Variants in OR6C74 observed in about 807,000 individuals in gnomAD.
OR6C74 encodes the protein olfactory receptor 6C74.
For synonymous variants in OR6C74, 142 were observed against 134.2 expected (o/e 1.06, Z -0.40); for missense variants, 361 against 362.9 (o/e 0.99, Z 0.04).
In OR6C74 at chr12:55,253,174, A is replaced by C. The variant is rs930778812; in HGVS notation, c.*4948A>C. Among the ~76,000 whole-genome samples, 2 of 152,098 alleles carry C rather than the reference A, an allele frequency of 1.3e-5. No individual in the cohort carries two copies. The highest frequency in any genetic ancestry group is 4.8e-5 in the African/African-American group (2 of 41,466). On this transcript the variant is annotated 3_prime_UTR_variant, in exon 2 of 2. Coordinates refer to ENST00000343399, the MANE Select transcript of OR6C74 (RefSeq NM_001005490.2). ...TATTAATCCATAAACATTCATTCCC[A>C]AAATCAATAACTGGATATTTAGTGC...
rs1203533778 is a variant in OR6C74 at position 55,247,939 on chromosome 12, A to T, written c.652A>T (p.Asn218Tyr). The T allele has an allele frequency of 6.2e-7, 1 of 1,614,034 alleles. No individual in the cohort carries two copies. Among genetic ancestry groups the T allele is most frequent in the East Asian group, 2.2e-5 (1 of 44,880 alleles). Residue 218 changes from asparagine (N) to tyrosine (Y), a missense_variant, in exon 2 of 2, where the codon AAT becomes TAT. Physicochemically the swap from Asn to Tyr is moderately radical, Grantham distance 143. Transcript: ENST00000343399. ...TLVLVILSYT[N>Y]IIRTILKIPS... ...GGTATTAGTGATTCTCTCCTACACA[A>T]ATATTATCAGGACTATTCTGAAAAT... is the stretch of plus-strand genomic sequence containing the variant.
chr12:55,246,222 T>C (rs989984028), intron 1 of OR6C74, among the ~76,000 whole-genome samples: 1 of 152,152 alleles, frequency 6.6e-6, no homozygotes, highest in African/African-American at 2.4e-5. Flanking sequence ...TGAATTGCTA[T>C]GTGCTGAACT....
chr12:55,247,859 A>G lies in OR6C74; in HGVS notation c.572A>G (p.Asp191Gly). ...PILQLSCTDTDIIELMMLLSA... is the reference protein window; with the variant it reads ...PILQLSCTDTGIIELMMLLSA... The stretch of plus-strand genomic sequence containing the variant: ...CTGCAGCTCTCTTGCACAGACACTG[A>G]CATAATAGAATTAATGATGCTTCTC... The change falls in exon 2 of 2, where the codon GAC becomes GGC. Residue 191 changes from aspartate to glycine, a missense_variant. Asp to Gly is a moderately conservative substitution (Grantham distance 94). Coordinates refer to ENST00000343399, the MANE Select transcript of OR6C74 (RefSeq NM_001005490.2). The G allele has an allele frequency of 4.3e-6, 7 of 1,613,922 alleles. No individual in the cohort carries two copies. The highest frequency in any genetic ancestry group is 5.1e-6 in the Non-Finnish European group (6 of 1,179,892).
At position 55,250,657 on chromosome 12, in the gene OR6C74, T is replaced by A. The variant is rs1253284928; in HGVS notation, c.*2431T>A. ...AATTGTGCTAGGATTCTAAAAAATATTAAAATCTCATTTGTTCACCTGTTT... is the reference window on the plus strand; with the variant it reads ...AATTGTGCTAGGATTCTAAAAAATAATAAAATCTCATTTGTTCACCTGTTT... On this transcript the variant is annotated 3_prime_UTR_variant, in exon 2 of 2. Transcript: ENST00000343399. 6.6e-6 allele frequency among the ~76,000 whole-genome samples: 1 copy of A among 152,098 alleles called. No individual in the cohort carries two copies. The highest frequency in any genetic ancestry group is 1.5e-5 in the Non-Finnish European group (1 of 67,992).
Position 55,246,487 on chromosome 12 carries a change from TGGGATTACA to T in OR6C74, c.-9-789_-9-781del, listed in dbSNP as rs2077698680. 2.0e-5 allele frequency among the ~76,000 whole-genome samples: 3 copies of T among 152,196 alleles called. No homozygotes were observed. In the South Asian group the frequency reaches 6.2e-4, roughly 31 times the overall value. ...TTCCTGCCTCATTCTTCCAAGTAGC[TGGGATTACA>T]GGCACAAGCCACATTTTATTTTTAA... On this transcript the variant is annotated intron_variant, in intron 1 of 1. Coordinates refer to ENST00000343399, the MANE Select transcript of OR6C74 (RefSeq NM_001005490.2).
rs1473171648 is a variant in OR6C74 at position 55,252,232 on chromosome 12, T to A, written c.*4006T>A. Among the ~76,000 whole-genome samples the A allele has an allele frequency of 6.6e-6, 1 of 151,832 alleles. No individual in the cohort carries two copies. Among genetic ancestry groups the A allele is most frequent in the East Asian group, 1.9e-4 (1 of 5,182 alleles). On this transcript the variant is annotated 3_prime_UTR_variant, in exon 2 of 2. Transcript: ENST00000343399. ...TTTAATTCAGCATACTTTATTATAC[T>A]TGCAAATACTTATGTAATTATTGTG...
At chr12:55,246,887 G>GA (rs1307671611) in intron 1 of OR6C74, among the ~76,000 whole-genome samples, 1 of 151,286 alleles carries the variant, frequency 6.6e-6, no homozygotes, top group Admixed American at 6.6e-5. Context: ...AACAAACACA[G>GA]AAAAAAACTT....
Position 55,249,950 on chromosome 12 carries a change from C to T in OR6C74, c.*1724C>T, listed in dbSNP as rs980394289. 2.6e-5 allele frequency among the ~76,000 whole-genome samples: 4 copies of T among 152,092 alleles called. No individual in the cohort carries two copies. Among genetic ancestry groups the T allele is most frequent in the African/African-American group, 9.7e-5 (4 of 41,420 alleles). ...GCCCCGGTGTGTGATGTTCGCCTTC[C>T]TGTGTCCAGGTGTTCTTATTGTTCA... is the stretch of plus-strand genomic sequence containing the variant. On this transcript the variant is annotated 3_prime_UTR_variant, in exon 2 of 2. Coordinates refer to ENST00000343399, the MANE Select transcript of OR6C74 (RefSeq NM_001005490.2).
rs575256596 is a variant in OR6C74, at chr12:55,256,377, G to A, written c.*8151G>A. Among the ~76,000 whole-genome samples, 20 of 152,128 alleles carry A rather than the reference G, an allele frequency of 1.3e-4. No individual in the cohort carries two copies. In the South Asian group the frequency reaches 3.9e-3, roughly 30 times the overall value. ...GCATACTCCCTTCTGATATTTTCCG[G>A]TCTAACCGGTTGTCTAGCTTCACCT... On this transcript the variant is annotated 3_prime_UTR_variant, in exon 2 of 2. Transcript: ENST00000343399.
chr12:55,246,637 A>G (rs1342321297), intron 1 of OR6C74, among the ~76,000 whole-genome samples: 1 of 152,220 alleles, frequency 6.6e-6, no homozygotes, highest in Non-Finnish European at 1.5e-5. Flanking sequence ...AATACAGAAA[A>G]GAGAACAAGC....
Position 55,248,213 on chromosome 12 carries a change from T to C in OR6C74, c.926T>C (p.Phe309Ser). ...FKHTVKKIEL[F>S]SMK Reference sequence around the variant, plus strand: ...CACACAGTCAAAAAGATTGAACTTTTCTCAATGAAATGAATCACTTTAACG... The same window carrying C: ...CACACAGTCAAAAAGATTGAACTTTCCTCAATGAAATGAATCACTTTAACG... Residue 309 changes from phenylalanine (F) to serine (S), a missense_variant, in exon 2 of 2, where the codon TTC (phenylalanine) becomes TCC (serine). Phe to Ser is a radical substitution (Grantham distance 155). Coordinates refer to ENST00000343399, the MANE Select transcript of OR6C74 (RefSeq NM_001005490.2). The C allele has an allele frequency of 6.3e-7, 1 of 1,598,892 alleles. No homozygotes were observed. Among genetic ancestry groups the C allele is most frequent in the South Asian group, 1.1e-5 (1 of 89,694 alleles).
chr12:55,249,621 G>T lies in OR6C74; in HGVS notation c.*1395G>T, dbSNP rs1263116066. ...GAAGATTCAAATAGACTTTTCAATA[G>T]TGGTCATGTATGTGTAAATGGTTTT... On this transcript the variant is annotated 3_prime_UTR_variant, in exon 2 of 2. Coordinates refer to ENST00000343399, the MANE Select transcript of OR6C74 (RefSeq NM_001005490.2). 2.6e-5 allele frequency among the ~76,000 whole-genome samples: 4 copies of T among 152,134 alleles called. No homozygotes were observed. Among genetic ancestry groups the T allele is most frequent in the African/African-American group, 9.6e-5 (4 of 41,512 alleles).
At position 55,254,318 on chromosome 12, in the gene OR6C74, A is replaced by G. The variant is rs1397625725; in HGVS notation, c.*6092A>G. 1.3e-5 allele frequency among the ~76,000 whole-genome samples: 2 copies of G among 152,106 alleles called. No homozygotes were observed. The highest frequency in any genetic ancestry group is 2.9e-5 in the Non-Finnish European group (2 of 67,990). ...GGGGTATGTAAGTAAATTGCATACA[A>G]TAAAGCTGTTCCATATTGCAATTCC... On this transcript the variant is annotated 3_prime_UTR_variant, in exon 2 of 2. Coordinates refer to ENST00000343399, the MANE Select transcript of OR6C74 (RefSeq NM_001005490.2).
chr12:55,250,916 T>C lies in OR6C74; in HGVS notation c.*2690T>C, dbSNP rs1954307911. ...TAAGACAAGCTAGACTCAAGGTATG[T>C]CAATTGTCTATTACATAGCCTTCCT... On this transcript the variant is annotated 3_prime_UTR_variant, in exon 2 of 2. Transcript: ENST00000343399. Among the ~76,000 whole-genome samples the C allele has an allele frequency of 6.6e-6, 1 of 152,074 alleles. No individual in the cohort carries two copies. Among genetic ancestry groups the C allele is most frequent in the Non-Finnish European group, 1.5e-5 (1 of 67,974 alleles).
rs1186442043 is a variant in OR6C74, at chr12:55,251,638, A to T, written c.*3412A>T. Among the ~76,000 whole-genome samples, 2 of 151,918 alleles carry T rather than the reference A, an allele frequency of 1.3e-5. No individual in the cohort carries two copies. Among genetic ancestry groups the T allele is most frequent in the Non-Finnish European group, 2.9e-5 (2 of 67,884 alleles). ...TGATGACAGGCAATATGAAAAAAAA[A>T]TTAGGTGTTAGAAAACTACAAGTTT... On this transcript the variant is annotated 3_prime_UTR_variant, in exon 2 of 2. Transcript: ENST00000343399.
In OR6C74 at chr12:55,255,305, G is replaced by A. The variant is rs529697833; in HGVS notation, c.*7079G>A. Among the ~76,000 whole-genome samples, 24 of 152,262 alleles carry A rather than the reference G, an allele frequency of 1.6e-4. No individual in the cohort carries two copies. Among genetic ancestry groups the A allele is most frequent in the African/African-American group, 4.1e-4 (17 of 41,572 alleles). ...GAACGAGGAAACAACAGATGTTGGT[G>A]AGGATGTGGAGAAGTAGGAACACTT... On this transcript the variant is annotated 3_prime_UTR_variant, in exon 2 of 2. Transcript: ENST00000343399.
In OR6C74 at chr12:55,248,039, G is replaced by A; in HGVS notation, c.752G>A (p.Gly251Asp). 6.2e-7 allele frequency: 1 copy of A among 1,613,926 alleles called. No homozygotes were observed. Among genetic ancestry groups the A allele is most frequent in the South Asian group, 1.1e-5 (1 of 91,064 alleles). Residue 251 changes from glycine to aspartate, a missense_variant, in exon 2 of 2, where the codon GGC becomes GAC. Physicochemically the swap from Gly to Asp is moderately conservative, Grantham distance 94. Transcript: ENST00000343399. ...ATGGTGGTCGTGTCCATTTCTTATG[G>A]CAGCTGCATCTTCATGTATGTGAAA... is the stretch of plus-strand genomic sequence containing the variant. Reference protein sequence around the residue: ...SHMVVVSISYGSCIFMYVKPS... With the variant: ...SHMVVVSISYDSCIFMYVKPS...
Position 55,249,935 on chromosome 12 carries a change from G to A in OR6C74, c.*1709G>A, listed in dbSNP as rs1454668412. ...CCCACCTCACAGCAGGCCCCGGTGT[G>A]TGATGTTCGCCTTCCTGTGTCCAGG... is the stretch of plus-strand genomic sequence containing the variant. On this transcript the variant is annotated 3_prime_UTR_variant, in exon 2 of 2. Transcript: ENST00000343399. Among the ~76,000 whole-genome samples, 4 of 152,056 alleles carry A rather than the reference G, an allele frequency of 2.6e-5. No individual in the cohort carries two copies. The highest frequency in any genetic ancestry group is 2.1e-4 in the South Asian group (1 of 4,822).
rs1483919171 is a variant in OR6C74 at position 55,252,689 on chromosome 12, CATCT to C, written c.*4464_*4467del. Among the ~76,000 whole-genome samples the C allele has an allele frequency of 6.6e-6, 1 of 151,666 alleles. No individual in the cohort carries two copies. The highest frequency in any genetic ancestry group is 1.5e-5 in the Non-Finnish European group (1 of 67,844). ...ACTTTTTCCCATATTTTTAAAACACCATCTGTTTTGGAACAGAGTAAGGGGGTGA... is the reference window on the plus strand; with the variant it reads ...ACTTTTTCCCATATTTTTAAAACACCGTTTTGGAACAGAGTAAGGGGGTGA... On this transcript the variant is annotated 3_prime_UTR_variant, in exon 2 of 2. Coordinates refer to ENST00000343399, the MANE Select transcript of OR6C74 (RefSeq NM_001005490.2).
Sources: gnomAD v4.1 joint callset for allele counts (sites outside exome capture counted in the v4.1 genomes callset) on GRCh38, gnomAD v4.1.1 for gene constraint, MANE v1.5 for transcripts, NCBI Gene and HGNC (gene_info 2026-07-23, HGNC 2026-07-21) for gene names.